TTBK1: variants seen among roughly 807,000 people sequenced by gnomAD.
TTBK1 encodes the protein tau-tubulin kinase 1.
TTBK1 carries 34 observed loss-of-function variants against 108.5 expected under a neutral mutation model. The ratio of observed to expected loss-of-function variants is 0.31; its 90% CI spans 0.24 to 0.42. The LOEUF (loss-of-function observed/expected upper bound fraction) is 0.42, where lower values mean the gene tolerates loss of function less well. Among genes scored for constraint, TTBK1 ranks in the 10% least tolerant of loss-of-function variants. TTBK1 has a pLI of 1.00. For missense variants in TTBK1, 1,539 were observed against 1,826.0 expected (o/e 0.84, Z 2.86); for synonymous variants, 809 against 795.1 (o/e 1.02, Z -0.29).
Position 43,269,807 on chromosome 6 carries a change from C to T in TTBK1, c.1986+6457C>T. ...CCGGTTCCCTCATTCAGCGCAGCCG[C>T]TCGGCTGAGAGCAGCCCTGTGCGGG... On this transcript the variant is annotated intron_variant, in intron 13 of 14. Coordinates refer to ENST00000259750, the MANE Select transcript of TTBK1 (RefSeq NM_032538.3). The surrounding 1 kb of genome is among the most constrained non-coding windows in gnomAD (Gnocchi z 4.8). 1.9e-6 allele frequency: 3 copies of T among 1,549,652 alleles called. No individual in the cohort carries two copies. Among genetic ancestry groups the T allele is most frequent in the Non-Finnish European group, 2.6e-6 (3 of 1,153,306 alleles).
chr6:43,271,986 G>T (rs961180039), intron 13 of TTBK1: 2 of 985,236 alleles, frequency 2.0e-6, no homozygotes, highest in Non-Finnish European at 2.4e-6. Flanking sequence ...GCAGGAGAGG[G>T]TCAAGGTGGA....
rs768260588 is a variant in TTBK1 at position 43,246,626 on chromosome 6, C to A, written c.-35C>A. Reference sequence around the variant, plus strand: ...CCCTAGGTAGATGGCCCCCTCAGGGCAGGCCCGGCGGACACCCCTCCCTCT... The same window carrying A: ...CCCTAGGTAGATGGCCCCCTCAGGGAAGGCCCGGCGGACACCCCTCCCTCT... On this transcript the variant is annotated 5_prime_UTR_variant, in exon 2 of 15. Transcript: ENST00000259750. 7.7e-6 allele frequency: 12 copies of A among 1,551,566 alleles called. No individual in the cohort carries two copies. Among genetic ancestry groups the A allele is most frequent in the South Asian group, 1.2e-5 (1 of 83,304 alleles).
At chr6:43,275,413 G>A (rs111739263) in intron 13 of TTBK1, among the ~76,000 whole-genome samples, 2 of 152,070 alleles carry the variant, frequency 1.3e-5, no homozygotes, top group African/African-American at 2.4e-5. Context: ...CCTGCTGCTG[G>A]CTGGCGGCCT....
chr6:43,271,518 A>C, intron 13 of TTBK1: 1 of 984,632 alleles, frequency 1.0e-6, no homozygotes, highest in Non-Finnish European at 1.2e-6. Context: ...TCCCAGCTTC[A>C]CTCTTCTACC....
In TTBK1 at chr6:43,246,673, G is replaced by A. The variant is rs2150679063; in HGVS notation, c.13G>A (p.Ala5Thr). The change falls in exon 2 of 15, where the codon GCG becomes ACG. Residue 5 changes from alanine (A) to threonine (T), a missense_variant. By Grantham distance (58) the Ala-to-Thr change is moderately conservative. This residue lies in a region of TTBK1 where 45 missense variants were observed against 38.0 expected (regional missense o/e 1.19). Coordinates refer to ENST00000259750, the MANE Select transcript of TTBK1 (RefSeq NM_032538.3). ...CTCTGGCTGGCGGATGCAGTGCCTA[G>A]CGGCCGCCCTTAAGGACGAAACCAA... MQCLAAALKDETNMS... is the reference protein window; with the variant it reads MQCLTAALKDETNMS... 6.2e-7 allele frequency: 1 copy of A among 1,607,306 alleles called. No homozygotes were observed. The highest frequency in any genetic ancestry group is 8.5e-7 in the Non-Finnish European group (1 of 1,176,706).
Position 43,255,771 on chromosome 6 carries a change from T to A in TTBK1, c.776T>A (p.Met259Lys). ...GMIKEKYEHRMLLKHMPSEFH... is the reference protein window; with the variant it reads ...GMIKEKYEHRKLLKHMPSEFH... The stretch of plus-strand genomic sequence containing the variant: ...ATCAAGGAGAAGTATGAGCACCGGA[T>A]GCTGCTGAAGCACATGCCGTCAGAG... Residue 259 changes from methionine to lysine, a missense_variant, in exon 9 of 15, where the codon ATG (methionine) becomes AAG (lysine). Transcript: ENST00000259750. The A allele has an allele frequency of 1.2e-6, 2 of 1,614,182 alleles. No homozygotes were observed. The highest frequency in any genetic ancestry group is 1.7e-6 in the Non-Finnish European group (2 of 1,180,032).
At chr6:43,258,851 T>A (rs1777445404) in intron 10 of TTBK1, among the ~76,000 whole-genome samples, 187 bp from the exon 11 acceptor site, 2 of 151,990 alleles carry the variant, frequency 1.3e-5, no homozygotes, top group Non-Finnish European at 2.9e-5. Context: ...AACTTGAGGG[T>A]CGTCTGGTCT....
Position 43,285,015 on chromosome 6 carries a change from C to A in TTBK1, c.3605C>A (p.Thr1202Asn). 1 of 1,517,434 alleles carries A rather than the reference C, an allele frequency of 6.6e-7. No homozygotes were observed. The highest frequency in any genetic ancestry group is 8.8e-7 in the Non-Finnish European group (1 of 1,138,392). 94.0% of individuals were successfully genotyped at this position (1,517,434 alleles called of 1,614,324 possible). A position where few individuals can be genotyped will look rare whatever the true frequency, so the allele number is the denominator to read the frequency against. ...LQLQTPPGSA[T>N]AADLRPKQPP... ...CTGCAGACGCCCCCAGGGTCGGCCA[C>A]TGCTGCTGACCTCCGCCCCAAACAA... Residue 1202 changes from threonine to asparagine, a missense_variant, in exon 15 of 15, where the codon ACT becomes AAT. Thr to Asn is a moderately conservative substitution (Grantham distance 65, BLOSUM62 0). Transcript: ENST00000259750. This position sits in a 1 kb window ranked among gnomAD's most constrained non-coding sequence, Gnocchi z 4.7.
At chr6:43,256,880 G>A (rs1777395590) in intron 9 of TTBK1, among the ~76,000 whole-genome samples, 1 of 152,184 alleles carries the variant, frequency 6.6e-6, no homozygotes. Flanking sequence ...GTTAGGAGCA[G>A]GGCTGGGCTC....
rs1391879654 is a variant in TTBK1 at position 43,286,335 on chromosome 6, A to G, written c.*959A>G. Reference sequence around the variant, plus strand: ...GAATTCCTTCCTGTCATCTAACCTCAGTCCTGCCTACTGCAGTTCCAGCCA... The same window carrying G: ...GAATTCCTTCCTGTCATCTAACCTCGGTCCTGCCTACTGCAGTTCCAGCCA... On this transcript the variant is annotated 3_prime_UTR_variant, in exon 15 of 15. Transcript: ENST00000259750. The surrounding 1 kb of genome is among the most constrained non-coding windows in gnomAD (Gnocchi z 4.6). The G allele has an allele frequency of 6.6e-6, 1 of 152,662 alleles. No individual in the cohort carries two copies. Among genetic ancestry groups the G allele is most frequent in the Non-Finnish European group, 1.5e-5 (1 of 68,100 alleles). 9.5% of individuals were successfully genotyped at this position (152,662 alleles called of 1,614,324 possible). A position where few individuals can be genotyped will look rare whatever the true frequency, so the allele number is the denominator to read the frequency against.
intron 13 of TTBK1, among the ~76,000 whole-genome samples, chr6:43,264,310 G>A (rs1777622448): frequency 6.6e-6 from 1 of 152,186 alleles, no homozygotes; most frequent in Non-Finnish European, 1.5e-5. Context: ...TTGAACCCAA[G>A]AGGCAGAGGT....
At chr6:43,270,945 G>A in intron 13 of TTBK1, 1 of 985,510 alleles carries the variant, frequency 1.0e-6, no homozygotes, top group Non-Finnish European at 1.2e-6. Flanking sequence ...AGCCCCAAGG[G>A]CGGTGGTGAA....
intron 13 of TTBK1, among the ~76,000 whole-genome samples, chr6:43,268,912 A>G (rs1777748945): frequency 6.6e-6 from 1 of 152,228 alleles, no homozygotes; most frequent in Non-Finnish European, 1.5e-5. Flanking sequence ...CATTTACTCC[A>G]TGGCGGGTGC....
rs573217455 is a variant in TTBK1 at position 43,263,712 on chromosome 6, T to A, written c.1986+362T>A. 9.9e-5 allele frequency among the ~76,000 whole-genome samples: 15 copies of A among 152,274 alleles called. No individual in the cohort carries two copies. The South Asian group carries it at 2.7e-3, about 27-fold the overall frequency. On this transcript the variant is annotated intron_variant, in intron 13 of 14. Transcript: ENST00000259750. This position sits in a 1 kb window ranked among gnomAD's most constrained non-coding sequence, Gnocchi z 4.7. ...GCAGACAAGGCTGTGAGGTCAGCCC[T>A]GGGCCCTGCCACGGAGGGACTTGGG... is the stretch of plus-strand genomic sequence containing the variant.
At chr6:43,279,426 T>C (rs962128257) in intron 13 of TTBK1, among the ~76,000 whole-genome samples, 1 of 152,196 alleles carries the variant, frequency 6.6e-6, no homozygotes, top group South Asian at 2.1e-4. Context: ...CAGGATGTGC[T>C]GGTGCCAGTT....
rs1582530100 is a variant in TTBK1, at chr6:43,285,272, T to C, written c.3862T>C (p.Ser1288Pro). 1.6e-6 allele frequency: 2 copies of C among 1,282,300 alleles called. No individual in the cohort carries two copies. Among genetic ancestry groups the C allele is most frequent in the Admixed American group, 4.3e-5 (1 of 23,494 alleles). The allele number at this position is 1,282,300 out of a possible 1,614,324, so 79.4% of individuals were successfully genotyped here. A position where few individuals can be genotyped will look rare whatever the true frequency, so the allele number is the denominator to read the frequency against. ...CCGGGCCCAGCCTGATGGCACCCCC[T>C]CCCCCGGGGGCTCCAAGAAAGGACC... ...PARAQPDGTP[S>P]PGGSKKGPRG... is the part of the protein sequence containing the mutation. The change falls in exon 15 of 15, where the codon TCC (serine) becomes CCC (proline). Residue 1288 changes from serine to proline, a missense_variant. By Grantham distance (74) the Ser-to-Pro change is moderately conservative (BLOSUM62 -1). This residue lies in a region of TTBK1 where 1,055 missense variants were observed against 1,086.5 expected (regional missense o/e 0.97). Coordinates refer to ENST00000259750, the MANE Select transcript of TTBK1 (RefSeq NM_032538.3). This position sits in a 1 kb window ranked among gnomAD's most constrained non-coding sequence, Gnocchi z 4.7.
intron 1 of TTBK1, 140 bp from the exon 2 acceptor site, chr6:43,246,467 C>G: frequency 2.0e-6 from 1 of 509,176 alleles, no homozygotes; most frequent in South Asian, 3.1e-5. Flanking sequence ...TTTATACAAT[C>G]TTTCCCCTGG....
intron 13 of TTBK1, among the ~76,000 whole-genome samples, chr6:43,264,610 G>A (rs1354879494): frequency 2.6e-5 from 4 of 152,136 alleles, no homozygotes; most frequent in Non-Finnish European, 5.9e-5. Context: ...GGGAATGAGA[G>A]GAGAAGGAGC....
Position 43,283,759 on chromosome 6 carries a change from T to G in TTBK1, c.3019T>G (p.Ser1007Ala). ...GTCTGGGGCCCCCCGGGAAACCCCC[T>G]CAGAGATGGCCACAAACTCACTGCC... ...ALSGAPRETP[S>A]EMATNSLPNG... The change falls in exon 14 of 15, where the codon TCA (serine) becomes GCA (alanine). Residue 1007 changes from serine to alanine, a missense_variant. Physicochemically the swap from Ser to Ala is moderately conservative, Grantham distance 99. Coordinates refer to ENST00000259750, the MANE Select transcript of TTBK1 (RefSeq NM_032538.3). This position sits in a 1 kb window ranked among gnomAD's most constrained non-coding sequence, Gnocchi z 8.1. 6.2e-7 allele frequency: 1 copy of G among 1,613,582 alleles called. No individual in the cohort carries two copies. Among genetic ancestry groups the G allele is most frequent in the Admixed American group, 1.7e-5 (1 of 60,004 alleles).
Sources: allele counts gnomAD v4.1 joint callset (sites outside exome capture counted in the v4.1 genomes callset), GRCh38; gene constraint gnomAD v4.1.1; regional missense constraint gnomAD v4.1.1; non-coding constraint Gnocchi (gnomAD v3.1); transcripts MANE v1.5; gene names NCBI Gene and HGNC (gene_info 2026-07-23, HGNC 2026-07-21).